Variants in CFAP97D2 observed in about 807,000 individuals in gnomAD.
CFAP97D2 encodes CFAP97 domain containing 2.
At chr13:114,194,330 C>T (rs374236053) in intron 1 of CFAP97D2, among the ~76,000 whole-genome samples, 17 of 152,340 alleles carry the variant, frequency 1.1e-4, no homozygotes, top group African/African-American at 3.8e-4. Flanking sequence ...GAATTTCTAA[C>T]TGCCAATATA....
At chr13:114,212,552 TAAAAAA>T (rs5807002) in intron 4 of CFAP97D2, among the ~76,000 whole-genome samples, 1 of 151,392 alleles carries the variant, frequency 6.6e-6, no homozygotes, top group African/African-American at 2.4e-5. Context: ...CTGTCTCTAT[TAAAAAA>T]AGAAAAAGAG....
At chr13:114,218,991 C>A (rs990126758) in intron 4 of CFAP97D2, among the ~76,000 whole-genome samples, 2 of 152,120 alleles carry the variant, frequency 1.3e-5, no homozygotes, top group Admixed American at 6.5e-5. Flanking sequence ...ACTAAAACAC[C>A]AAAAGCAATG....
In CFAP97D2 at chr13:114,179,677, C is replaced by T. The variant is rs1487956865; in HGVS notation, c.90+257C>T. ...TCATGTGCCATGTTTTAGGGCCATC[C>T]TATTTCTAATCACAGCATATATTTA... On this transcript the variant is annotated intron_variant, in intron 1 of 4. Transcript: ENST00000646158. The surrounding 1 kb of genome is among the most constrained non-coding windows in gnomAD (Gnocchi z 4.8). 6.6e-6 allele frequency among the ~76,000 whole-genome samples: 1 copy of T among 151,936 alleles called. No individual in the cohort carries two copies. Among genetic ancestry groups the T allele is most frequent in the Non-Finnish European group, 1.5e-5 (1 of 67,992 alleles).
rs913471146 is a variant in CFAP97D2, at chr13:114,179,788, TTTTTTGTTTTTG to T, written c.90+384_90+395del. Among the ~76,000 whole-genome samples the T allele has an allele frequency of 5.3e-5, 8 of 152,250 alleles. 1 individual carries two copies. Among genetic ancestry groups the T allele is most frequent in the South Asian group, 2.1e-4 (1 of 4,818 alleles). ...ATCCTTTTCTTTTTCTTTCTTTTTG[TTTTTTGTTTTTG>T]TTTTTGTTTTTGTTTGTTTTTGAGA... On this transcript the variant is annotated intron_variant, in intron 1 of 4. Coordinates refer to ENST00000646158, the Ensembl canonical transcript of CFAP97D2. This position sits in a 1 kb window ranked among gnomAD's most constrained non-coding sequence, Gnocchi z 4.8.
intron 3 of CFAP97D2, among the ~76,000 whole-genome samples, chr13:114,209,220 G>A (rs7323386): frequency 1.3e-5 from 2 of 152,056 alleles, no homozygotes; most frequent in Non-Finnish European, 2.9e-5. Flanking sequence ...GCACCATCCC[G>A]CTGTCCGCAT....
chr13:114,182,736 TG>T (rs2080841106), intron 1 of CFAP97D2, among the ~76,000 whole-genome samples: 1 of 152,246 alleles, frequency 6.6e-6, no homozygotes, highest in Non-Finnish European at 1.5e-5. Flanking sequence ...CCTTAAACCT[TG>T]ATTTCATACA....
Position 114,202,643 on chromosome 13 carries a change from AG to A in CFAP97D2, c.290+2204del, listed in dbSNP as rs578224467. Among the ~76,000 whole-genome samples, 61 of 152,320 alleles carry A rather than the reference AG, an allele frequency of 4.0e-4. No homozygotes were observed. The East Asian group carries it at 0.011, about 28-fold the overall frequency. ...CTAGTCGAAGGGCCTTCTTCCTGGA[AG>A]GGGCAGGGCCTTACTTTTCTCATCT... On this transcript the variant is annotated intron_variant, in intron 3 of 4. Coordinates refer to ENST00000646158, the Ensembl canonical transcript of CFAP97D2.
chr13:114,184,336 T>C (rs118032599), intron 1 of CFAP97D2, among the ~76,000 whole-genome samples: 1,769 of 152,246 alleles, frequency 0.012, 97 homozygotes, highest in Admixed American at 0.082. Flanking sequence ...CAATAATGAA[T>C]GAGAATTTCC....
At chr13:114,196,719 A>C (rs937464820) in intron 2 of CFAP97D2, among the ~76,000 whole-genome samples, 4 of 151,960 alleles carry the variant, frequency 2.6e-5, no homozygotes, top group Non-Finnish European at 5.9e-5. Context: ...GTCTCAATCA[A>C]TTTAGAAGTT....
chr13:114,201,631 A>G (rs2080918588), intron 3 of CFAP97D2, among the ~76,000 whole-genome samples: 1 of 152,244 alleles, frequency 6.6e-6, no homozygotes, highest in Non-Finnish European at 1.5e-5. Context: ...TTGGGGCTTG[A>G]TAACTGGCTA....
rs1594521495 is a variant in CFAP97D2, at chr13:114,211,893, T to C, written c.291-19T>C. 3 of 398,680 alleles carry C rather than the reference T, an allele frequency of 7.5e-6. No individual in the cohort carries two copies. In the East Asian group the frequency reaches 1.1e-4, roughly 14 times the overall value. The allele number at this position is 398,680 out of a possible 1,614,324, so 24.7% of individuals were successfully genotyped here. On this transcript the variant is annotated intron_variant, in intron 3 of 4. Coordinates refer to ENST00000646158, the Ensembl canonical transcript of CFAP97D2. This position sits in a 1 kb window ranked among gnomAD's most constrained non-coding sequence, Gnocchi z 4.2. ...TTAATAAAATCCAAATTTCAAAATG[T>C]GTGTGCTCTTTCGTGGAGTCTGCAC...
chr13:114,199,122 G>C (rs9562146), intron 2 of CFAP97D2, among the ~76,000 whole-genome samples: 6 of 30,586 alleles, frequency 2.0e-4, no homozygotes, highest in Admixed American at 6.9e-4. Context: ...CGTCCCCGTG[G>C]GTACGGTCCC....
rs1214925214 is a variant in CFAP97D2 at position 114,203,947 on chromosome 13, A to T, written c.290+3504A>T. Among the ~76,000 whole-genome samples the T allele has an allele frequency of 6.6e-6, 1 of 152,232 alleles. No individual in the cohort carries two copies. The highest frequency in any genetic ancestry group is 2.4e-5 in the African/African-American group (1 of 41,470). On this transcript the variant is annotated intron_variant, in intron 3 of 4. Transcript: ENST00000646158. The surrounding 1 kb of genome is among the most constrained non-coding windows in gnomAD (Gnocchi z 4.3). Reference sequence around the variant, plus strand: ...CTGTAGAAATTGACCCACTGGTTCTAAAATTTGATGGATTGTTTTAGTCAA... The same window carrying T: ...CTGTAGAAATTGACCCACTGGTTCTTAAATTTGATGGATTGTTTTAGTCAA...
rs891889785 is a variant in CFAP97D2, at chr13:114,179,414, G to T, written c.84G>T (p.Arg28Ser). 2.0e-5 allele frequency: 8 copies of T among 398,514 alleles called. No homozygotes were observed. The highest frequency in any genetic ancestry group is 3.5e-5 in the Non-Finnish European group (8 of 226,090). The allele number at this position is 398,514 out of a possible 1,614,324, so 24.7% of individuals were successfully genotyped here. A position where few individuals can be genotyped will look rare whatever the true frequency, so the allele number is the denominator to read the frequency against. The change falls in exon 1 of 5, where the codon AGG becomes AGT. Residue 28 changes from arginine (R) to serine (S), a missense_variant. Coordinates refer to ENST00000646158, the Ensembl canonical transcript of CFAP97D2. The surrounding 1 kb of genome is among the most constrained non-coding windows in gnomAD (Gnocchi z 4.8). ...GGGAGAAAGCCTATCAGGACCACAG[G>T]AGAAAGGTAGGAAAGTCCCCAATCC... is the stretch of plus-strand genomic sequence containing the variant.
At position 114,211,629 on chromosome 13, in the gene CFAP97D2, C is replaced by T. The variant is rs957729121; in HGVS notation, c.291-283C>T. On this transcript the variant is annotated intron_variant, in intron 3 of 4. Coordinates refer to ENST00000646158, the Ensembl canonical transcript of CFAP97D2. This position sits in a 1 kb window ranked among gnomAD's most constrained non-coding sequence, Gnocchi z 4.2. ...TCTGCTGACCACGCTCAGGAAGCAC[C>T]GGGAGACTTCCCCGCTGTGCCCCAT... Among the ~76,000 whole-genome samples the T allele has an allele frequency of 3.9e-5, 6 of 152,168 alleles. No homozygotes were observed. Among genetic ancestry groups the T allele is most frequent in the Non-Finnish European group, 8.8e-5 (6 of 68,030 alleles).
chr13:114,204,720 A>G (rs1312923575), intron 3 of CFAP97D2, among the ~76,000 whole-genome samples: 1 of 152,236 alleles, frequency 6.6e-6, no homozygotes. Flanking sequence ...CTAAAACCAT[A>G]AAACTCTTAG....
At chr13:114,202,892 AAC>A (rs574229448) in intron 3 of CFAP97D2, among the ~76,000 whole-genome samples, 18 of 151,974 alleles carry the variant, frequency 1.2e-4, no homozygotes, top group African/African-American at 4.1e-4. Context: ...GTGTCCCTCC[AAC>A]ACACACACAC....
intron 4 of CFAP97D2, among the ~76,000 whole-genome samples, chr13:114,217,112 T>C (rs2080997301): frequency 6.6e-6 from 1 of 152,214 alleles, no homozygotes; most frequent in South Asian, 2.1e-4. Flanking sequence ...TCTGTTCATA[T>C]GCTTTGCCCA....
Position 114,211,368 on chromosome 13 carries a change from G to A in CFAP97D2, c.291-544G>A, listed in dbSNP as rs1315703577. Among the ~76,000 whole-genome samples the A allele has an allele frequency of 1.3e-5, 2 of 152,110 alleles. No individual in the cohort carries two copies. Among genetic ancestry groups the A allele is most frequent in the East Asian group, 3.9e-4 (2 of 5,178 alleles). ...ACAGGGGTCTTTCTCAAGTGCCTGC[G>A]GAGTCTGGTTTGAAGCCATTCAGTG... On this transcript the variant is annotated intron_variant, in intron 3 of 4. Coordinates refer to ENST00000646158, the Ensembl canonical transcript of CFAP97D2. This position sits in a 1 kb window ranked among gnomAD's most constrained non-coding sequence, Gnocchi z 4.2.
Sources: gnomAD v4.1 joint callset for allele counts (sites outside exome capture counted in the v4.1 genomes callset) on GRCh38, gnomAD v4.1.1 for gene constraint, Gnocchi (gnomAD v3.1) non-coding constraint, MANE v1.5 for transcripts, NCBI Gene and HGNC (gene_info 2026-07-23, HGNC 2026-07-21) for gene names.